GLS: variants seen among roughly 807,000 people sequenced by gnomAD.
The protein encoded by GLS is glutaminase.
Under a neutral mutation model 86.7 loss-of-function variants are expected in GLS, and 36 were observed. That is an observed-to-expected ratio of 0.42 (90% CI 0.32 to 0.55). GLS has a LOEUF of 0.55. Ranked by LOEUF, GLS falls within the 20% of genes least tolerant of loss-of-function variation. The pLI is 0.17. For synonymous variants in GLS, 317 were observed against 305.9 expected (o/e 1.04, Z -0.38); for missense variants, 528 against 833.4 (o/e 0.63, Z 4.51).
Position 190,962,716 on chromosome 2 carries a change from C to A in GLS, c.1854-114C>A. On this transcript the variant is annotated intron_variant, in intron 17 of 17. Coordinates refer to ENST00000320717, the MANE Select transcript of GLS (RefSeq NM_014905.5). This position sits in a 1 kb window ranked among gnomAD's most constrained non-coding sequence, Gnocchi z 4.2. Reference sequence around the variant, plus strand: ...TTATTAATTTTTATTTGTAAAATTGCTAAAATAGCTAAATTTGGCCATTTA... The same window carrying A: ...TTATTAATTTTTATTTGTAAAATTGATAAAATAGCTAAATTTGGCCATTTA... 1.9e-6 allele frequency: 1 copy of A among 537,422 alleles called. No homozygotes were observed. The highest frequency in any genetic ancestry group is 3.0e-6 in the Non-Finnish European group (1 of 328,604). The allele number at this position is 537,422 out of a possible 1,614,324, so 33.3% of individuals were successfully genotyped here.
intron 4 of GLS, among the ~76,000 whole-genome samples, chr2:190,901,400 C>T (rs940359060): frequency 6.6e-6 from 1 of 151,758 alleles, no homozygotes; most frequent in African/African-American, 2.4e-5. Flanking sequence ...TCATCATCTT[C>T]ATGTTTAGAC....
intron 17 of GLS, among the ~76,000 whole-genome samples, chr2:190,957,418 G>A (rs997001269): frequency 1.3e-5 from 2 of 152,248 alleles, no homozygotes; most frequent in East Asian, 3.9e-4. Flanking sequence ...TTGCCTGATT[G>A]TCCTAGCCAG....
chr2:190,895,551 C>T lies in GLS; in HGVS notation c.484-53C>T. The T allele has an allele frequency of 7.9e-7, 1 of 1,267,132 alleles. No homozygotes were observed. Among genetic ancestry groups the T allele is most frequent in the South Asian group, 1.3e-5 (1 of 74,404 alleles). 78.5% of individuals were successfully genotyped at this position (1,267,132 alleles called of 1,614,324 possible). A position where few individuals can be genotyped will look rare whatever the true frequency, so the allele number is the denominator to read the frequency against. The stretch of plus-strand genomic sequence containing the variant: ...AATAAAATCTTATAGTTGGTATAAG[C>T]ATATACATTATTTGCACTATATATT... On this transcript the variant is annotated intron_variant, in intron 2 of 17. Transcript: ENST00000320717. The surrounding 1 kb of genome is among the most constrained non-coding windows in gnomAD (Gnocchi z 4.2).
intron 1 of GLS, among the ~76,000 whole-genome samples, chr2:190,884,478 T>C (rs932607502): frequency 2.0e-5 from 3 of 152,246 alleles, no homozygotes; most frequent in Non-Finnish European, 4.4e-5. Flanking sequence ...ATGAGCATTA[T>C]ATTAAAGTCA....
At chr2:190,896,352 ATTAGT>A (rs1688739822) in intron 3 of GLS, 2 of 152,186 alleles carry the variant, frequency 1.3e-5, no homozygotes, top group Non-Finnish European at 2.9e-5. Flanking sequence ...ATGTGTTTCT[ATTAGT>A]TTGATTACTT....
At position 190,933,284 on chromosome 2, in the gene GLS, A is replaced by G. The variant is rs1024084350; in HGVS notation, c.1650+1647A>G. The G allele has an allele frequency of 5.5e-6, 5 of 911,972 alleles. No homozygotes were observed. In the African/African-American group the frequency reaches 9.0e-5, roughly 16 times the overall value. 56.5% of individuals were successfully genotyped at this position (911,972 alleles called of 1,614,324 possible). On this transcript the variant is annotated intron_variant, in intron 14 of 17. Transcript: ENST00000320717. ...TTTTTAAAACTAATGTGATGTCTTT[A>G]GTGGCAATAGAAGGTACTTCTATGC...
intron 14 of GLS, among the ~76,000 whole-genome samples, chr2:190,937,019 A>G (rs928682613): frequency 1.7e-4 from 26 of 151,318 alleles, no homozygotes; most frequent in Non-Finnish European, 5.9e-5. Flanking sequence ...AACCAAAACC[A>G]GATGTTGGAG....
chr2:190,944,857 A>G (rs970819963), intron 14 of GLS, among the ~76,000 whole-genome samples: 2 of 152,222 alleles, frequency 1.3e-5, no homozygotes, highest in Non-Finnish European at 2.9e-5. Flanking sequence ...TTGTGATATT[A>G]TCAAATTGAA....
chr2:190,962,391 G>C lies in GLS; in HGVS notation c.1854-439G>C, dbSNP rs1323955735. On this transcript the variant is annotated intron_variant, in intron 17 of 17. Coordinates refer to ENST00000320717, the MANE Select transcript of GLS (RefSeq NM_014905.5). This position sits in a 1 kb window ranked among gnomAD's most constrained non-coding sequence, Gnocchi z 4.2. ...GACTTCTGAGACTTACTGTGGCTTT[G>C]AATTGACACAAACACTAATTTTCTG... 6.6e-6 allele frequency among the ~76,000 whole-genome samples: 1 copy of C among 152,162 alleles called. No homozygotes were observed. The highest frequency in any genetic ancestry group is 2.4e-5 in the African/African-American group (1 of 41,438).
chr2:190,906,187 TA>T (rs1393783315), intron 6 of GLS, among the ~76,000 whole-genome samples: 1 of 152,164 alleles, frequency 6.6e-6, no homozygotes, highest in Non-Finnish European at 1.5e-5. Flanking sequence ...CTTTATTTAC[TA>T]AGCTCATTGA....
chr2:190,884,116 C>G (rs1165833407), intron 1 of GLS, among the ~76,000 whole-genome samples: 1 of 152,196 alleles, frequency 6.6e-6, no homozygotes, highest in Non-Finnish European at 1.5e-5. Context: ...GCTTGCCTCT[C>G]TTCGTTTTCA....
chr2:190,909,332 G>A (rs907529972), intron 6 of GLS, among the ~76,000 whole-genome samples: 20 of 152,140 alleles, frequency 1.3e-4, no homozygotes, highest in Admixed American at 5.2e-4. Flanking sequence ...AGAAGACAAA[G>A]TATGCTTTCT....
In GLS at chr2:190,924,494, G is replaced by T; in HGVS notation, c.1198-49G>T. 1.1e-6 allele frequency: 1 copy of T among 924,000 alleles called. No individual in the cohort carries two copies. Among genetic ancestry groups the T allele is most frequent in the Non-Finnish European group, 1.8e-6 (1 of 551,352 alleles). The allele number at this position is 924,000 out of a possible 1,614,324, so 57.2% of individuals were successfully genotyped here. A position where few individuals can be genotyped will look rare whatever the true frequency, so the allele number is the denominator to read the frequency against. On this transcript the variant is annotated intron_variant, in intron 10 of 17. Coordinates refer to ENST00000320717, the MANE Select transcript of GLS (RefSeq NM_014905.5). This position sits in a 1 kb window ranked among gnomAD's most constrained non-coding sequence, Gnocchi z 5.2. ...ATTTTTCATATATTTCTCTACTTATGTGCATTCCTGTGTGCCTGAATTTTT... is the reference window on the plus strand; with the variant it reads ...ATTTTTCATATATTTCTCTACTTATTTGCATTCCTGTGTGCCTGAATTTTT...
At chr2:190,903,841 A>G (rs894300678) in intron 5 of GLS, among the ~76,000 whole-genome samples, 11 of 152,228 alleles carry the variant, frequency 7.2e-5, no homozygotes, top group Non-Finnish European at 1.2e-4. Flanking sequence ...GGAAAAAAAT[A>G]TAGTGCCCAG....
intron 7 of GLS, among the ~76,000 whole-genome samples, 173 bp downstream of exon 7, chr2:190,910,494 G>A (rs1301372155): frequency 6.6e-6 from 1 of 151,622 alleles, no homozygotes; most frequent in African/African-American, 2.4e-5. Context: ...AAATGATGTA[G>A]TCATTTCAAG....
chr2:190,918,215 GTT>G (rs1689607848), intron 7 of GLS, among the ~76,000 whole-genome samples: 1 of 152,140 alleles, frequency 6.6e-6, no homozygotes, highest in Non-Finnish European at 1.5e-5. Flanking sequence ...ATAAAAGGCT[GTT>G]TCATCTACAT....
chr2:190,963,003 G>T lies in GLS; in HGVS notation c.*17G>T, dbSNP rs757980776. ...TTGTTGTAATGGTCTCAAATCCCAA[G>T]ATTTAAATCACTTACCTATTTAATT... On this transcript the variant is annotated 3_prime_UTR_variant, in exon 18 of 18. Coordinates refer to ENST00000320717, the MANE Select transcript of GLS (RefSeq NM_014905.5). The T allele has an allele frequency of 5.8e-6, 9 of 1,547,792 alleles. No homozygotes were observed. Among genetic ancestry groups the T allele is most frequent in the Non-Finnish European group, 7.9e-6 (9 of 1,141,098 alleles).
In GLS at chr2:190,880,853, G is replaced by T. The variant is rs984495269; in HGVS notation, c.-232G>T. The T allele has an allele frequency of 3.7e-6, 3 of 816,592 alleles. No individual in the cohort carries two copies. The highest frequency in any genetic ancestry group is 4.2e-5 in the Admixed American group (2 of 47,506). The allele number at this position is 816,592 out of a possible 1,614,324, so 50.6% of individuals were successfully genotyped here. On this transcript the variant is annotated 5_prime_UTR_variant, in exon 1 of 18. Transcript: ENST00000320717. ...AGCCTTAGGCGGAGCGAAGAGAACC[G>T]GTCGCGGCAATCCTAGCGCGCAGCA...
rs1184354434 is a variant in GLS, at chr2:190,935,455, T to C, written c.1650+3818T>C. Among the ~76,000 whole-genome samples, 1 of 151,386 alleles carries C rather than the reference T, an allele frequency of 6.6e-6. No homozygotes were observed. The highest frequency in any genetic ancestry group is 2.4e-5 in the African/African-American group (1 of 41,402). On this transcript the variant is annotated intron_variant, in intron 14 of 17. Transcript: ENST00000320717. The surrounding 1 kb of genome is among the most constrained non-coding windows in gnomAD (Gnocchi z 4.2). The stretch of plus-strand genomic sequence containing the variant: ...CTGCCTCAAAGTAAACTAGAAATAT[T>C]CAAAAGGGCTTTATTTGATTTTTTA...
Sources: allele counts gnomAD v4.1 joint callset (sites outside exome capture counted in the v4.1 genomes callset), GRCh38; gene constraint gnomAD v4.1.1; non-coding constraint Gnocchi (gnomAD v3.1); transcripts MANE v1.5; gene names NCBI Gene and HGNC (gene_info 2026-07-23, HGNC 2026-07-21).